AK8: variants seen among roughly 807,000 people sequenced by gnomAD.
The protein encoded by AK8 is adenylate kinase 8.
AK8 carries 44 observed loss-of-function variants against 54.6 expected under a neutral mutation model. The ratio of observed to expected loss-of-function variants is 0.81; its 90% CI spans 0.63 to 1.04. The LOEUF (loss-of-function observed/expected upper bound fraction) is 1.04, where lower values mean the gene tolerates loss of function less well. Ranked by LOEUF, AK8 falls within the 50% of genes least tolerant of loss-of-function variation. AK8 has a pLI of 0.00. For synonymous variants in AK8, 239 were observed against 245.6 expected (o/e 0.97, Z 0.25); for missense variants, 555 against 613.6 (o/e 0.90, Z 1.01).
intron 11 of AK8, among the ~76,000 whole-genome samples, chr9:132,778,084 G>A (rs1055279615): frequency 1.3e-4 from 20 of 152,324 alleles, no homozygotes; most frequent in Admixed American, 4.6e-4. Context: ...GGGGGCTTCC[G>A]TTAGGATGGG....
intron 8 of AK8, among the ~76,000 whole-genome samples, chr9:132,824,576 T>C (rs984667077): frequency 2.0e-5 from 3 of 152,206 alleles, no homozygotes; most frequent in African/African-American, 7.2e-5. Flanking sequence ...CCCTGGCCTC[T>C]ACCCACTAGG....
Position 132,852,678 on chromosome 9 carries a change from G to A in AK8, c.402+2179C>T, listed in dbSNP as rs1439188413. 2.1e-5 allele frequency among the ~76,000 whole-genome samples: 3 copies of A among 146,208 alleles called. No homozygotes were observed. In the East Asian group the frequency reaches 6.4e-4, roughly 31 times the overall value. ...CCAGCTAATGGGGAGGCTGAGGCAT[G>A]TGAATTGCTTGAACTTGGGAGGCAG... On this transcript the variant is annotated intron_variant, in intron 5 of 12. Coordinates refer to ENST00000298545, the MANE Select transcript of AK8 (RefSeq NM_152572.3).
At chr9:132,788,337 G>A (rs1839802917) in intron 11 of AK8, among the ~76,000 whole-genome samples, 1 of 152,182 alleles carries the variant, frequency 6.6e-6, no homozygotes, top group Admixed American at 6.5e-5. Context: ...CCATATAGCT[G>A]TAAAGAAGAC....
rs573112674 is a variant in AK8, at chr9:132,742,255, G to A, written c.1122-14721C>T. Among the ~76,000 whole-genome samples, 93 of 150,510 alleles carry A rather than the reference G, an allele frequency of 6.2e-4. 2 individuals are homozygous for A. The highest frequency in any genetic ancestry group is 2.2e-3 in the African/African-American group (89 of 40,748). ...AATGACACAATCACAGCTCACTGCA[G>A]CTTCGACCTTCCGGGCTCAAGCGAT... On this transcript the variant is annotated intron_variant, in intron 11 of 12. Transcript: ENST00000298545.
At chr9:132,756,574 C>CAGAGGAG (rs1838199892) in intron 11 of AK8, among the ~76,000 whole-genome samples, 1 of 152,146 alleles carries the variant, frequency 6.6e-6, no homozygotes, top group South Asian at 2.1e-4. Context: ...GATCAGCTGC[C>CAGAGGAG]GGGGGCCACA....
intron 2 of AK8, among the ~76,000 whole-genome samples, chr9:132,872,942 G>T (rs1843917314): frequency 6.6e-6 from 1 of 152,188 alleles, no homozygotes; most frequent in African/African-American, 2.4e-5. Flanking sequence ...CTCCCCAGTA[G>T]CTGGGACTAC....
intron 10 of AK8, among the ~76,000 whole-genome samples, chr9:132,804,725 C>T (rs1256356698): frequency 1.3e-5 from 2 of 152,156 alleles, no homozygotes; most frequent in Non-Finnish European, 2.9e-5. Context: ...GCGTGGTCCC[C>T]GCTTCCCTCC....
At chr9:132,773,756 GC>G (rs1839079950) in intron 11 of AK8, among the ~76,000 whole-genome samples, 1 of 152,196 alleles carries the variant, frequency 6.6e-6, no homozygotes, top group African/African-American at 2.4e-5. Context: ...GTCCTATTAT[GC>G]TGCTTCCCAT....
intron 11 of AK8, among the ~76,000 whole-genome samples, chr9:132,779,394 T>C: frequency 6.6e-6 from 1 of 152,254 alleles, no homozygotes; most frequent in Non-Finnish European, 1.5e-5. Flanking sequence ...CGATCATAGC[T>C]CACTGCAGCC....
chr9:132,830,895 G>A (rs923231061), intron 5 of AK8, among the ~76,000 whole-genome samples: 15 of 152,158 alleles, frequency 9.9e-5, no homozygotes, highest in African/African-American at 3.1e-4. Context: ...TTGTGTTCTT[G>A]TGTTTTTACT....
At chr9:132,861,025 T>C (rs1482947925) in intron 4 of AK8, among the ~76,000 whole-genome samples, 7 of 152,200 alleles carry the variant, frequency 4.6e-5, no homozygotes, top group Middle Eastern at 3.2e-3. Context: ...TGAGCTGACA[T>C]CTGTCGAAGC....
intron 9 of AK8, 34 bp downstream of exon 9, chr9:132,823,171 C>G: frequency 6.6e-7 from 1 of 1,510,078 alleles, no homozygotes. Context: ...GAAAGGCTCT[C>G]GAAGCTGGGC....
At chr9:132,852,366 T>A (rs1842997949) in intron 5 of AK8, among the ~76,000 whole-genome samples, 1 of 152,086 alleles carries the variant, frequency 6.6e-6, no homozygotes, top group Non-Finnish European at 1.5e-5. Context: ...TCCCGGCACT[T>A]TGGAAGGTCG....
chr9:132,785,015 A>G (rs1242756963), intron 11 of AK8, among the ~76,000 whole-genome samples: 4 of 152,180 alleles, frequency 2.6e-5, no homozygotes, highest in African/African-American at 9.7e-5. Context: ...ACTGGCACAG[A>G]AAAATTTCAG....
intron 11 of AK8, among the ~76,000 whole-genome samples, chr9:132,750,171 T>G (rs564792113): frequency 9.2e-5 from 14 of 151,962 alleles, no homozygotes; most frequent in African/African-American, 1.9e-4. Flanking sequence ...CAGGCTGGAG[T>G]GCAATGGTGC....
At chr9:132,877,030 C>T (rs1844138193) in intron 1 of AK8, among the ~76,000 whole-genome samples, 1 of 152,186 alleles carries the variant, frequency 6.6e-6, no homozygotes, top group African/African-American at 2.4e-5. Context: ...TGTATCACTG[C>T]ACTCCAGCCT....
rs139492609 is a variant in AK8 at position 132,837,058 on chromosome 9, C to T, written c.403-8332G>A. Among the ~76,000 whole-genome samples the T allele has an allele frequency of 2.2e-3, 341 of 152,254 alleles. 1 individual carries two copies. The highest frequency in any genetic ancestry group is 6.8e-3 in the Middle Eastern group (2 of 294). ...AGAACGGGCCAGGCGTGGTGGTTCACGCCTATAATCCCAGCACTTTGGGAG... is the reference window on the plus strand; with the variant it reads ...AGAACGGGCCAGGCGTGGTGGTTCATGCCTATAATCCCAGCACTTTGGGAG... On this transcript the variant is annotated intron_variant, in intron 5 of 12. Coordinates refer to ENST00000298545, the MANE Select transcript of AK8 (RefSeq NM_152572.3). The surrounding 1 kb of genome is among the most constrained non-coding windows in gnomAD (Gnocchi z 4.3).
At chr9:132,740,714 C>CA (rs1484239952) in intron 11 of AK8, among the ~76,000 whole-genome samples, 2 of 152,068 alleles carry the variant, frequency 1.3e-5, no homozygotes, top group African/African-American at 2.4e-5. Context: ...GCTGAGCACC[C>CA]CCCCGCCCCA....
Position 132,791,230 on chromosome 9 carries a change from C to CAG in AK8, c.1121+1402_1121+1403dup, listed in dbSNP as rs1481163760. ...ATCTTACATGGCAGCAGGAGAGAGA[C>CAG]AGAGAGAGAGCAAAGGGGGAGGTGC... On this transcript the variant is annotated intron_variant, in intron 11 of 12. Transcript: ENST00000298545. This position sits in a 1 kb window ranked among gnomAD's most constrained non-coding sequence, Gnocchi z 4.0. Among the ~76,000 whole-genome samples, 1 of 152,108 alleles carries CAG rather than the reference C, an allele frequency of 6.6e-6. No homozygotes were observed. Among genetic ancestry groups the CAG allele is most frequent in the Non-Finnish European group, 1.5e-5 (1 of 68,024 alleles).
Sources: allele counts gnomAD v4.1 joint callset (sites outside exome capture counted in the v4.1 genomes callset), GRCh38; gene constraint gnomAD v4.1.1; non-coding constraint Gnocchi (gnomAD v3.1); transcripts MANE v1.5; gene names NCBI Gene and HGNC (gene_info 2026-07-23, HGNC 2026-07-21).